The following GID4 variants were observed in gnomAD, a reference collection of about 807,000 sequenced individuals.
The protein encoded by GID4 is glucose-induced degradation protein 4 homolog.
In GID4, 7 loss-of-function variants were observed where a neutral mutation model predicts 32.4. The observed-to-expected ratio is 0.22, with a 90% CI of 0.12 to 0.41. The LOEUF (loss-of-function observed/expected upper bound fraction) is 0.41, where lower values mean the gene tolerates loss of function less well. Among genes scored for constraint, GID4 ranks in the 10% least tolerant of loss-of-function variants. GID4 has a pLI of 1.00. For synonymous variants in GID4, 166 were observed against 170.0 expected (o/e 0.98, Z 0.18); for missense variants, 309 against 400.0 (o/e 0.77, Z 1.94).
Position 18,065,527 on chromosome 17 carries a change from T to A in GID4, c.*284T>A, listed in dbSNP as rs568337299. ...ACTTTTCCTTCCTGCACAGCTAACT[T>A]CTACATCACTGAAATGCCCATTCCT... On this transcript the variant is annotated 3_prime_UTR_variant, in exon 6 of 6. Transcript: ENST00000268719. 1 of 419,478 alleles carries A rather than the reference T, an allele frequency of 2.4e-6. No individual in the cohort carries two copies. The highest frequency in any genetic ancestry group is 4.4e-6 in the Non-Finnish European group (1 of 225,436). The allele number at this position is 419,478 out of a possible 1,614,324, so 26.0% of individuals were successfully genotyped here.
intron 5 of GID4, among the ~76,000 whole-genome samples, chr17:18,064,038 C>G (rs193196558): frequency 1.3e-5 from 2 of 152,192 alleles, no homozygotes; most frequent in Admixed American, 1.3e-4. Flanking sequence ...CCACCGTGCC[C>G]GGCCGGTATA....
rs894201728 is a variant in GID4, at chr17:18,061,014, C to T, written c.709-831C>T. On this transcript the variant is annotated intron_variant, in intron 4 of 5. Coordinates refer to ENST00000268719, the MANE Select transcript of GID4 (RefSeq NM_024052.5). The surrounding 1 kb of genome is among the most constrained non-coding windows in gnomAD (Gnocchi z 4.4). Reference sequence around the variant, plus strand: ...CCTCCCAAAGTGTTGGGATTGCAGGCATAAGCCACCACACCCGATCTGAAT... The same window carrying T: ...CCTCCCAAAGTGTTGGGATTGCAGGTATAAGCCACCACACCCGATCTGAAT... 1.3e-5 allele frequency among the ~76,000 whole-genome samples: 2 copies of T among 152,316 alleles called. No individual in the cohort carries two copies. Among genetic ancestry groups the T allele is most frequent in the Admixed American group, 6.5e-5 (1 of 15,296 alleles).
Position 18,066,453 on chromosome 17 carries a change from TG to T in GID4, c.*1211del, listed in dbSNP as rs1457927176. 2 of 89,326 alleles carry T rather than the reference TG, an allele frequency of 2.2e-5. No homozygotes were observed. Among genetic ancestry groups the T allele is most frequent in the African/African-American group, 6.3e-5 (1 of 15,772 alleles). 5.5% of individuals were successfully genotyped at this position (89,326 alleles called of 1,614,324 possible). On this transcript the variant is annotated 3_prime_UTR_variant, in exon 6 of 6. Coordinates refer to ENST00000268719, the MANE Select transcript of GID4 (RefSeq NM_024052.5). Reference sequence around the variant, plus strand: ...ATAACTCGAGGCTCACGTGCCAAAGTGTGTGTGTGTGTGTGTGTGTGTGTGT... The same window carrying T: ...ATAACTCGAGGCTCACGTGCCAAAGTTGTGTGTGTGTGTGTGTGTGTGTGT...
rs1597702332 is a variant in GID4 at position 18,067,991 on chromosome 17, A to G, written c.*2748A>G. On this transcript the variant is annotated 3_prime_UTR_variant, in exon 6 of 6. Coordinates refer to ENST00000268719, the MANE Select transcript of GID4 (RefSeq NM_024052.5). ...ATACCTACTGTTAAGTAGGAAGTCA[A>G]TCTGTGTGCTGGTTTTGTTGGTTAT... The G allele has an allele frequency of 2.6e-5, 4 of 152,642 alleles. No individual in the cohort carries two copies. In the South Asian group the frequency reaches 6.2e-4, roughly 24 times the overall value. 9.5% of individuals were successfully genotyped at this position (152,642 alleles called of 1,614,324 possible). A position where few individuals can be genotyped will look rare whatever the true frequency, so the allele number is the denominator to read the frequency against.
intron 3 of GID4, among the ~76,000 whole-genome samples, chr17:18,055,434 C>G (rs973286263): frequency 5.3e-5 from 8 of 152,110 alleles, no homozygotes; most frequent in Admixed American, 2.0e-4. Flanking sequence ...TTGAGTTCAC[C>G]TCACTAGAGA....
intron 3 of GID4, chr17:18,056,956 C>G: frequency 6.4e-7 from 1 of 1,550,612 alleles, no homozygotes; most frequent in Non-Finnish European, 8.7e-7. Context: ...CTGTACTGCA[C>G]CTGGGTTTGT....
intron 2 of GID4, among the ~76,000 whole-genome samples, chr17:18,049,083 C>T (rs1337687092): frequency 6.6e-6 from 1 of 151,778 alleles, no homozygotes; most frequent in Admixed American, 6.6e-5. Flanking sequence ...TGCCTGTAAT[C>T]CCAGCACTTT....
At chr17:18,041,948 G>T (rs902430521) in intron 1 of GID4, among the ~76,000 whole-genome samples, 31 of 152,224 alleles carry the variant, frequency 2.0e-4, no homozygotes, top group Middle Eastern at 3.2e-3. Context: ...ATGTCTGATG[G>T]TGGGGGTGGT....
At chr17:18,046,228 G>T (rs1425726676) in intron 2 of GID4, among the ~76,000 whole-genome samples, 1 of 152,210 alleles carries the variant, frequency 6.6e-6, no homozygotes, top group Non-Finnish European at 1.5e-5. Context: ...AGGAGCTGGG[G>T]TGGCATTCTT....
chr17:18,043,464 A>G (rs1393047009), intron 1 of GID4, among the ~76,000 whole-genome samples: 1 of 152,168 alleles, frequency 6.6e-6, no homozygotes, highest in Non-Finnish European at 1.5e-5. Context: ...AAATTTAAAG[A>G]CTCAGGTTAG....
intron 1 of GID4, among the ~76,000 whole-genome samples, chr17:18,044,070 T>G (rs1426064085): frequency 1.3e-5 from 2 of 152,126 alleles, no homozygotes; most frequent in Non-Finnish European, 2.9e-5. Flanking sequence ...TCCTGGCCTG[T>G]TTCTCCCCTG....
intron 4 of GID4, among the ~76,000 whole-genome samples, chr17:18,059,540 G>T (rs2045000373): frequency 6.6e-6 from 1 of 152,134 alleles, no homozygotes; most frequent in African/African-American, 2.4e-5. Flanking sequence ...AGCCCCACCT[G>T]ACTGACTTGA....
chr17:18,061,061 C>T lies in GID4; in HGVS notation c.709-784C>T, dbSNP rs2045013885. On this transcript the variant is annotated intron_variant, in intron 4 of 5. Transcript: ENST00000268719. The surrounding 1 kb of genome is among the most constrained non-coding windows in gnomAD (Gnocchi z 4.4). ...GAATTTTAAAATTAATTTTAAAAGC[C>T]ACAATTTTAGAAGTTGAATAAGGAA... Among the ~76,000 whole-genome samples the T allele has an allele frequency of 6.6e-6, 1 of 152,114 alleles. No individual in the cohort carries two copies. Among genetic ancestry groups the T allele is most frequent in the African/African-American group, 2.4e-5 (1 of 41,416 alleles).
Position 18,039,836 on chromosome 17 carries a change from C to T in GID4, c.372C>T (p.Ser124=), listed in dbSNP as rs1022488172. The T allele has an allele frequency of 1.9e-6, 3 of 1,554,184 alleles. No homozygotes were observed. Among genetic ancestry groups the T allele is most frequent in the East Asian group, 2.6e-5 (1 of 38,796 alleles). The change falls in exon 1 of 6, where the codon AGC becomes AGT. Residue 124 remains serine, a synonymous_variant. Coordinates refer to ENST00000268719, the MANE Select transcript of GID4 (RefSeq NM_024052.5). The surrounding 1 kb of genome is among the most constrained non-coding windows in gnomAD (Gnocchi z 5.3). ...GCGTGGCCACCAGCCTGCTCTACAG[C>T]GGCTCCAAGTTCCGCGGCCACCAGA... ...QPGVATSLLY[S]GSKFRGHQKS...
intron 3 of GID4, chr17:18,056,818 AG>A (rs2044971926): frequency 6.4e-7 from 1 of 1,550,510 alleles, no homozygotes; most frequent in African/African-American, 1.4e-5. Context: ...TGGTTGAGCC[AG>A]GGAGCTGAAC....
intron 2 of GID4, among the ~76,000 whole-genome samples, chr17:18,046,922 CA>C (rs71155311): frequency 0.048 from 5,600 of 115,638 alleles, 270 homozygotes; most frequent in African/African-American, 0.16. Flanking sequence ...AACTTTGTCT[CA>C]AAAAAAAAAA....
In GID4 at chr17:18,057,148, G is replaced by C. The variant is rs113028490; in HGVS notation, c.607-1720G>C. 84 of 1,288,512 alleles carry C rather than the reference G, an allele frequency of 6.5e-5. No individual in the cohort carries two copies. In the African/African-American group the frequency reaches 8.8e-4, roughly 14 times the overall value. The allele number at this position is 1,288,512 out of a possible 1,614,324, so 79.8% of individuals were successfully genotyped here. On this transcript the variant is annotated intron_variant, in intron 3 of 5. Transcript: ENST00000268719. ...CTACATAGGATAAAAATGTCTATGT[G>C]ACACCAGGTGTGGTGGCTCATGCCT...
chr17:18,060,502 A>G (rs2045009736), intron 4 of GID4, among the ~76,000 whole-genome samples: 1 of 151,900 alleles, frequency 6.6e-6, no homozygotes, highest in Non-Finnish European at 1.5e-5. Context: ...CGAGCTTGCC[A>G]TCTAGCGGGA....
At chr17:18,056,392 G>A (rs1597696769) in intron 3 of GID4, among the ~76,000 whole-genome samples, 1 of 152,308 alleles carries the variant, frequency 6.6e-6, no homozygotes, top group Admixed American at 6.5e-5. Context: ...TGAAGGTGCT[G>A]GCCACCAGCA....
Sources: allele counts gnomAD v4.1 joint callset (sites outside exome capture counted in the v4.1 genomes callset), GRCh38; gene constraint gnomAD v4.1.1; non-coding constraint Gnocchi (gnomAD v3.1); transcripts MANE v1.5; gene names NCBI Gene and HGNC (gene_info 2026-07-23, HGNC 2026-07-21).